MYO18B: variants seen among roughly 807,000 people sequenced by gnomAD.
MYO18B encodes myosin XVIIIB.
A neutral mutation model predicts 273.0 loss-of-function variants in MYO18B; 204 were observed. That is an observed-to-expected ratio of 0.75 (90% CI 0.67 to 0.84). The LOEUF (loss-of-function observed/expected upper bound fraction) is 0.84, where lower values mean the gene tolerates loss of function less well. Ranked by LOEUF, MYO18B falls within the 40% of genes least tolerant of loss-of-function variation. The probability of loss-of-function intolerance (pLI) is 0.00; values close to 1 mark genes in which losing one functional copy is unlikely to be tolerated. For synonymous variants in MYO18B, 1,330 were observed against 1,305.7 expected (o/e 1.02, Z -0.40); for missense variants, 3,212 against 3,287.6 (o/e 0.98, Z 0.56).
intron 12 of MYO18B, among the ~76,000 whole-genome samples, chr22:25,806,476 C>T (rs946165729): frequency 2.0e-5 from 3 of 152,176 alleles, no homozygotes; most frequent in African/African-American, 7.2e-5. Context: ...GCATAGTATC[C>T]ACACTTCCTT....
the MYO18B span, among the ~76,000 whole-genome samples, chr22:26,046,936 C>A: frequency 6.6e-6 from 1 of 152,040 alleles, no homozygotes; most frequent in Non-Finnish European, 1.5e-5. Context: ...TCCAGTGGGG[C>A]CATCAGGTGG....
In MYO18B at chr22:25,963,132, C is replaced by G. The variant is rs1026995739; in HGVS notation, c.6156+7768C>G. ...GTTTCTCTCTCTCTCTCCTCTTTCTCTTTCTCCTCTCTCTCTCTCCTCTTT... is the reference window on the plus strand; with the variant it reads ...GTTTCTCTCTCTCTCTCCTCTTTCTGTTTCTCCTCTCTCTCTCTCCTCTTT... On this transcript the variant is annotated intron_variant, in intron 39 of 43. Transcript: ENST00000335473. 2.0e-5 allele frequency among the ~76,000 whole-genome samples: 3 copies of G among 149,914 alleles called. No homozygotes were observed. The Admixed American group carries it at 2.0e-4, about 10-fold the overall frequency.
chr22:25,897,534 G>C lies in MYO18B; in HGVS notation c.4669-773G>C, dbSNP rs559442728. 3 of 152,302 alleles carry C rather than the reference G, an allele frequency of 2.0e-5. No individual in the cohort carries two copies. In the South Asian group the frequency reaches 6.2e-4, roughly 32 times the overall value. The allele number at this position is 152,302 out of a possible 1,614,324, so 9.4% of individuals were successfully genotyped here. The stretch of plus-strand genomic sequence containing the variant: ...AAGTTGAGTCAGTTTCCCTGATGAA[G>C]GGGGATATTTATGCTACATTAAAAA... On this transcript the variant is annotated intron_variant, in intron 28 of 43. Coordinates refer to ENST00000335473, the MANE Select transcript of MYO18B (RefSeq NM_032608.7).
intron 25 of MYO18B, among the ~76,000 whole-genome samples, chr22:25,880,197 G>A (rs1482108719): frequency 6.6e-6 from 1 of 152,094 alleles, no homozygotes; most frequent in East Asian, 1.9e-4. Flanking sequence ...TAAAATGTAA[G>A]GGGTCACCAA....
intron 15 of MYO18B, among the ~76,000 whole-genome samples, chr22:25,832,348 T>C (rs2089737625): frequency 1.3e-5 from 2 of 152,118 alleles, no homozygotes. Flanking sequence ...CAGAAGCAAC[T>C]CATATATAGA....
At chr22:25,946,630 G>A (rs550640662) in intron 35 of MYO18B, among the ~76,000 whole-genome samples, 65 of 152,334 alleles carry the variant, frequency 4.3e-4, no homozygotes, top group African/African-American at 1.4e-3. Flanking sequence ...TCTGATGTGA[G>A]CTTGTTATTT....
At chr22:25,987,726 T>C (rs1415223380) in intron 39 of MYO18B, among the ~76,000 whole-genome samples, 1 of 152,104 alleles carries the variant, frequency 6.6e-6, no homozygotes, top group East Asian at 1.9e-4. Flanking sequence ...CTGCGCCTCA[T>C]AGGTGCTCAA....
At chr22:25,909,234 C>A (rs949503292) in intron 32 of MYO18B, among the ~76,000 whole-genome samples, 1 of 152,182 alleles carries the variant, frequency 6.6e-6, no homozygotes, top group African/African-American at 2.4e-5. Flanking sequence ...TCGGGTTAAG[C>A]CTCGTTTAAC....
intron 21 of MYO18B, among the ~76,000 whole-genome samples, chr22:25,857,408 G>A (rs557009124): frequency 3.3e-5 from 5 of 152,278 alleles, no homozygotes; most frequent in East Asian, 1.9e-4. Context: ...CTGTCAATCC[G>A]TCTTCTCAAA....
chr22:25,787,265 G>GGCGC (rs1235879791), intron 11 of MYO18B, among the ~76,000 whole-genome samples: 4 of 71,984 alleles, frequency 5.6e-5, no homozygotes, highest in African/African-American at 2.4e-4. Context: ...TGTGCGTGCA[G>GGCGC]GCGCGCGCAC....
intron 3 of MYO18B, among the ~76,000 whole-genome samples, chr22:25,764,426 G>A (rs2086433656): frequency 1.3e-5 from 2 of 152,190 alleles, no homozygotes; most frequent in Admixed American, 1.3e-4. Flanking sequence ...CTTCAGACAA[G>A]GTGAATGCTG....
chr22:25,922,268 C>T (rs890598153), intron 34 of MYO18B, among the ~76,000 whole-genome samples: 5 of 152,102 alleles, frequency 3.3e-5, no homozygotes, highest in African/African-American at 9.7e-5. Flanking sequence ...ACAGGAGGAG[C>T]GGCAGGTCTG....
intron 3 of MYO18B, among the ~76,000 whole-genome samples, chr22:25,767,708 A>T (rs1204876817): frequency 1.3e-5 from 2 of 152,210 alleles, no homozygotes; most frequent in African/African-American, 4.8e-5. Flanking sequence ...GTTGTTGAGG[A>T]CACACTATGC....
chr22:25,995,458 A>G (rs1447604664), intron 40 of MYO18B, among the ~76,000 whole-genome samples: 1 of 152,240 alleles, frequency 6.6e-6, no homozygotes, highest in Non-Finnish European at 1.5e-5. Context: ...CCCATTTTCC[A>G]TGATATGGTT....
chr22:25,970,051 C>G (rs1473853726), intron 39 of MYO18B, among the ~76,000 whole-genome samples: 1 of 152,004 alleles, frequency 6.6e-6, no homozygotes, highest in Non-Finnish European at 1.5e-5. Context: ...TCCATTGTTA[C>G]CACAACCATT....
At chr22:25,946,288 A>G (rs1411613022) in intron 35 of MYO18B, 38 bp downstream of exon 35, 1 of 1,437,698 alleles carries the variant, frequency 7.0e-7, no homozygotes, top group Non-Finnish European at 9.5e-7. Flanking sequence ...GACCTGGGCC[A>G]GCATAGGCCT....
At chr22:26,008,546 G>T (rs1049749193) in intron 42 of MYO18B, among the ~76,000 whole-genome samples, 1 of 152,218 alleles carries the variant, frequency 6.6e-6, no homozygotes. Flanking sequence ...TTTATAAGGG[G>T]ACGTCAACTC....
At chr22:25,833,665 G>A (rs933019082) in intron 16 of MYO18B, among the ~76,000 whole-genome samples, 1 of 152,166 alleles carries the variant, frequency 6.6e-6, no homozygotes, top group Non-Finnish European at 1.5e-5. Flanking sequence ...GTGACCTTGG[G>A]CATGTTACTT....
chr22:25,852,099 A>G (rs535652028), intron 21 of MYO18B, among the ~76,000 whole-genome samples: 1 of 152,308 alleles, frequency 6.6e-6, no homozygotes, highest in Admixed American at 6.5e-5. Flanking sequence ...GTCTATGAAA[A>G]GAGGGCTTCA....
Sources: gnomAD v4.1 joint callset for allele counts (sites outside exome capture counted in the v4.1 genomes callset) on GRCh38, gnomAD v4.1.1 for gene constraint, MANE v1.5 for transcripts, NCBI Gene and HGNC (gene_info 2026-07-23, HGNC 2026-07-21) for gene names.